Variants in SLIT1 observed in about 807,000 individuals in gnomAD.
SLIT1 encodes the protein slit homolog 1 protein.
SLIT1 carries 66 observed loss-of-function variants against 186.1 expected under a neutral mutation model. The ratio of observed to expected loss-of-function variants is 0.35; its 90% CI spans 0.29 to 0.44. The LOEUF is 0.44. Ranked by LOEUF, SLIT1 falls within the 20% of genes least tolerant of loss-of-function variation. The pLI, the probability that SLIT1 is intolerant of heterozygous loss-of-function variation, is 1.00. For synonymous variants in SLIT1, 761 were observed against 833.8 expected (o/e 0.91, Z 1.50); for missense variants, 1,638 against 2,037.4 (o/e 0.80, Z 3.77).
intron 18 of SLIT1, among the ~76,000 whole-genome samples, chr10:97,045,617 C>T (rs577304572): frequency 6.6e-6 from 1 of 152,268 alleles, no homozygotes; most frequent in Admixed American, 6.5e-5. Flanking sequence ...AGCCCCCACA[C>T]CCACATTTAA....
Position 97,056,389 on chromosome 10 carries a change from G to A in SLIT1, c.1233C>T (p.Ser411=), listed in dbSNP as rs1436219875. The A allele has an allele frequency of 1.2e-6, 2 of 1,614,184 alleles. No individual in the cohort carries two copies. Among genetic ancestry groups the A allele is most frequent in the Admixed American group, 1.7e-5 (1 of 60,022 alleles). ...GGCTCTGGATCTTGTTGTCATACAG[G>A]GAGAGCAGTGAGAGGTTCTGCAGGT... is the stretch of plus-strand genomic sequence containing the variant. ...FQDLQNLSLL[S]LYDNKIQSLA... is the part of the protein sequence containing the mutation. Residue 411 remains serine, a synonymous_variant, in exon 13 of 37, where the codon TCC becomes TCT. Coordinates refer to ENST00000266058, the MANE Select transcript of SLIT1 (RefSeq NM_003061.3).
chr10:97,108,730 A>C (rs1849437029), intron 4 of SLIT1, among the ~76,000 whole-genome samples: 1 of 152,110 alleles, frequency 6.6e-6, no homozygotes, highest in Non-Finnish European at 1.5e-5. Flanking sequence ...TTTACTAAAA[A>C]TACAAAAATT....
chr10:97,176,240 G>C (rs1463151160), intron 1 of SLIT1, among the ~76,000 whole-genome samples: 1 of 152,128 alleles, frequency 6.6e-6, no homozygotes, highest in Non-Finnish European at 1.5e-5. Flanking sequence ...CCTCCCAGGA[G>C]TGTTATGAGG....
In SLIT1 at chr10:97,141,094, A is replaced by T. The variant is rs559155156; in HGVS notation, c.413+16724T>A. Among the ~76,000 whole-genome samples, 7 of 152,036 alleles carry T rather than the reference A, an allele frequency of 4.6e-5. No homozygotes were observed. In the East Asian group the frequency reaches 1.4e-3, roughly 29 times the overall value. On this transcript the variant is annotated intron_variant, in intron 4 of 36. Coordinates refer to ENST00000266058, the MANE Select transcript of SLIT1 (RefSeq NM_003061.3). Reference sequence around the variant, plus strand: ...TGTCGGAGGCTCTGCATGTAAAAGCACCCCGAGGCTATCAGACCCTGGCTC... The same window carrying T: ...TGTCGGAGGCTCTGCATGTAAAAGCTCCCCGAGGCTATCAGACCCTGGCTC...
intron 1 of SLIT1, among the ~76,000 whole-genome samples, chr10:97,176,347 C>G (rs1455679433): frequency 6.6e-6 from 1 of 152,058 alleles, no homozygotes. Flanking sequence ...ATCAAAACTC[C>G]CTCTCACCTC....
At chr10:97,178,623 T>C (rs2134745083) in intron 1 of SLIT1, among the ~76,000 whole-genome samples, 1 of 152,322 alleles carries the variant, frequency 6.6e-6, no homozygotes, top group South Asian at 2.1e-4. Context: ...TAGAGAATAG[T>C]TTTGCACCGA....
At chr10:97,109,510 G>A (rs752682744) in intron 4 of SLIT1, among the ~76,000 whole-genome samples, 2 of 152,136 alleles carry the variant, frequency 1.3e-5, no homozygotes, top group African/African-American at 2.4e-5. Context: ...CTTTCCCAGC[G>A]AGAAGCTGTG....
At chr10:97,080,376 T>C (rs563321631) in intron 4 of SLIT1, among the ~76,000 whole-genome samples, 87 of 152,282 alleles carry the variant, frequency 5.7e-4, no homozygotes, top group African/African-American at 2.0e-3. Context: ...CTCACTAGCA[T>C]CCCCAGCGGG....
chr10:97,185,403 C>T, intron 1 of SLIT1, 75 bp downstream of exon 1: 2 of 1,455,738 alleles, frequency 1.4e-6, no homozygotes, highest in African/African-American at 1.4e-5. Flanking sequence ...CTGCCCCCAC[C>T]CCCAAGTCCG....
At position 97,004,106 on chromosome 10, in the gene SLIT1, T is replaced by C. The variant is rs1001273121; in HGVS notation, c.3827A>G (p.His1276Arg). 2.5e-6 allele frequency: 4 copies of C among 1,613,488 alleles called. No individual in the cohort carries two copies. In the African/African-American group the frequency reaches 5.3e-5, roughly 22 times the overall value. ...SPMTMDNFGK[H>R]YTLNSEAPLY... is the part of the protein sequence containing the mutation. ...TGGCGCCTCGCTGTTGAGCGTGTAA[T>C]GTTTGCCAAAGTTGTCCATGGTCAT... Residue 1276 changes from histidine (H) to arginine (R), a missense_variant, in exon 34 of 37, where the codon CAT becomes CGT. Physicochemically the swap from His to Arg is conservative, Grantham distance 29 (BLOSUM62 0). Around this residue, in one of 3 missense-constraint regions of SLIT1, gnomAD observed 173 missense variants for 290.9 expected, o/e 0.59. Coordinates refer to ENST00000266058, the MANE Select transcript of SLIT1 (RefSeq NM_003061.3). This position sits in a 1 kb window ranked among gnomAD's most constrained non-coding sequence, Gnocchi z 5.1.
intron 28 of SLIT1, among the ~76,000 whole-genome samples, chr10:97,015,807 A>C (rs1048050927): frequency 6.6e-6 from 1 of 152,216 alleles, no homozygotes; most frequent in Non-Finnish European, 1.5e-5. Flanking sequence ...TAAGAAAAAA[A>C]CTTTAAGTTT....
Position 97,062,116 on chromosome 10 carries a change from A to G in SLIT1, c.794-1329T>C, listed in dbSNP as rs552941118. On this transcript the variant is annotated intron_variant, in intron 8 of 36. Transcript: ENST00000266058. ...ATTGTCCAAGTGATTTACCCATTCC[A>G]ATTCCTAAAAACTGTGGCAGCTGCA... Among the ~76,000 whole-genome samples, 9 of 152,344 alleles carry G rather than the reference A, an allele frequency of 5.9e-5. No individual in the cohort carries two copies. In the East Asian group the frequency reaches 1.7e-3, roughly 29 times the overall value.
In SLIT1 at chr10:97,014,165, G is replaced by A. The variant is rs12246721; in HGVS notation, c.2970-7C>T. 9.4e-4 allele frequency: 1,522 copies of A among 1,612,976 alleles called. 15 individuals are homozygous for A. The African/African-American group carries it at 0.016, about 17-fold the overall frequency. ...GCCGGTGGGACAGGAGCACCTGTGC[G>A]GGGAAGGGGAGGATGGAGAGACAGC... On this transcript the variant is annotated splice_region_variant and splice_polypyrimidine_tract_variant and intron_variant, in intron 28 of 36. Transcript: ENST00000266058.
intron 3 of SLIT1, among the ~76,000 whole-genome samples, chr10:97,159,068 C>T (rs914745309): frequency 4.6e-5 from 7 of 152,042 alleles, no homozygotes; most frequent in African/African-American, 1.7e-4. Context: ...GGCTTGTAGC[C>T]CCAGGGGTGT....
intron 14 of SLIT1, 78 bp downstream of exon 14, chr10:97,048,872 TATGCA>T: frequency 4.8e-6 from 6 of 1,252,332 alleles, no homozygotes; most frequent in African/African-American, 1.6e-5. Flanking sequence ...GGTGGGCAGG[TATGCA>T]GGTGGACAAG....
intron 13 of SLIT1, among the ~76,000 whole-genome samples, chr10:97,054,629 C>T (rs1848821224): frequency 1.3e-5 from 2 of 152,126 alleles, no homozygotes; most frequent in African/African-American, 4.8e-5. Context: ...ATCATCTTGC[C>T]AAATAAATCA....
At position 97,122,497 on chromosome 10, in the gene SLIT1, G is replaced by C. The variant is rs145583964; in HGVS notation, c.413+35321C>G. 4.1e-3 allele frequency among the ~76,000 whole-genome samples: 625 copies of C among 152,270 alleles called. 4 individuals are homozygous for C. Among genetic ancestry groups the C allele is most frequent in the African/African-American group, 0.011 (470 of 41,552 alleles). On this transcript the variant is annotated intron_variant, in intron 4 of 36. Coordinates refer to ENST00000266058, the MANE Select transcript of SLIT1 (RefSeq NM_003061.3). ...CGAGGTGAGGAGGGAAGCCTTGCTG[G>C]GTAAGTGGTGTTTCAGCTGAGACCC...
At chr10:97,169,303 C>A (rs1351374762) in intron 1 of SLIT1, among the ~76,000 whole-genome samples, 2 of 152,202 alleles carry the variant, frequency 1.3e-5, no homozygotes, top group African/African-American at 4.8e-5. Flanking sequence ...CCTGTGAGCT[C>A]TCACTAAGCT....
chr10:97,157,920 C>T, intron 3 of SLIT1, 31 bp from the exon 4 acceptor site: 1 of 1,540,494 alleles, frequency 6.5e-7, no homozygotes, highest in South Asian at 1.1e-5. Context: ...TGGAAATCAC[C>T]TAGACAGCCA....
Sources: gnomAD v4.1 joint callset for allele counts (sites outside exome capture counted in the v4.1 genomes callset) on GRCh38, gnomAD v4.1.1 for gene constraint, gnomAD v4.1.1 regional missense constraint, Gnocchi (gnomAD v3.1) non-coding constraint, MANE v1.5 for transcripts, NCBI Gene and HGNC (gene_info 2026-07-23, HGNC 2026-07-21) for gene names.